The following SURF6 variants were observed in gnomAD, a reference collection of about 807,000 sequenced individuals.
The protein encoded by SURF6 is surfeit locus protein 6.
In SURF6, 28 loss-of-function variants were observed where a neutral mutation model predicts 37.5. The observed-to-expected ratio is 0.75, with a 90% CI of 0.55 to 1.02. SURF6 has a LOEUF of 1.02. SURF6 is among the 50% of genes least tolerant of loss of function. SURF6 has a pLI of 0.00. For missense variants in SURF6, 560 were observed against 490.5 expected, an observed-to-expected ratio of 1.14 and a Z score of -1.34; for synonymous variants, 248 against 210.9, an observed-to-expected ratio of 1.18 and a Z score of -1.52.
At chr9:133,334,308 T>G in intron 2 of SURF6, 84 bp downstream of exon 2, 1 of 1,354,930 alleles carries the variant, frequency 7.4e-7, no homozygotes, top group South Asian at 1.4e-5. Flanking sequence ...GCTGCTTTTT[T>G]TTTCTTAAGA....
chr9:133,334,372 C>T lies in SURF6; in HGVS notation c.304+20G>A. The T allele has an allele frequency of 1.3e-6, 2 of 1,599,522 alleles. No individual in the cohort carries two copies. The highest frequency in any genetic ancestry group is 1.7e-6 in the Non-Finnish European group (2 of 1,174,016). ...CCAGCCCCGCCCTGCACAGAACCAA[C>T]ATGCCCTGAAGCCTCTCACCTGCAG... On this transcript the variant is annotated intron_variant, in intron 2 of 4. Transcript: ENST00000372022.
At chr9:133,335,122 G>C (rs1835839480) in intron 1 of SURF6, among the ~76,000 whole-genome samples, 1 of 152,096 alleles carries the variant, frequency 6.6e-6, no homozygotes, top group African/African-American at 2.4e-5. Context: ...ACTGTGCCCG[G>C]CTAATTTTTG....
chr9:133,334,355 G>C, intron 2 of SURF6, 37 bp downstream of exon 2: 10 of 1,454,870 alleles, frequency 6.9e-6, no homozygotes, highest in South Asian at 1.2e-5. Flanking sequence ...CCCCAGCCCC[G>C]CCCTGCACAG....
In SURF6 at chr9:133,331,294, G is replaced by C. The variant is rs2129909468; in HGVS notation, c.*575C>G. 5 of 151,342 alleles carry C rather than the reference G, an allele frequency of 3.3e-5. No individual in the cohort carries two copies. Among genetic ancestry groups the C allele is most frequent in the African/African-American group, 1.2e-4 (5 of 41,374 alleles). 9.4% of individuals were successfully genotyped at this position (151,342 alleles called of 1,614,324 possible). A position where few individuals can be genotyped will look rare whatever the true frequency, so the allele number is the denominator to read the frequency against. On this transcript the variant is annotated 3_prime_UTR_variant, in exon 5 of 5. Transcript: ENST00000372022. Reference sequence around the variant, plus strand: ...TAAAATGCCGCCCCGGGGCACTGGGGAACAGAAAGGAATGAGACCCCAACA... The same window carrying C: ...TAAAATGCCGCCCCGGGGCACTGGGCAACAGAAAGGAATGAGACCCCAACA...
chr9:133,332,028 C>G lies in SURF6; in HGVS notation c.927G>C (p.Lys309Asn), dbSNP rs2129914104. 1 of 1,601,992 alleles carries G rather than the reference C, an allele frequency of 6.2e-7. No individual in the cohort carries two copies. The highest frequency in any genetic ancestry group is 2.2e-5 in the East Asian group (1 of 44,862). Residue 309 changes from lysine (K) to asparagine (N), a missense_variant, in exon 5 of 5, where the codon AAG becomes AAC. Transcript: ENST00000372022. ...TCTTCTCCACCACGCCGGCCGTGCG[C>G]TTCTCCCACCGGCGCTGCCGCTGCG... ...RRAQRQRRWE[K>N]RTAGVVEKMQ...
At position 133,332,563 on chromosome 9, in the gene SURF6, C is replaced by G. The variant is rs2129919069; in HGVS notation, c.591G>C (p.Gly197=). 4 of 1,608,766 alleles carry G rather than the reference C, an allele frequency of 2.5e-6. No individual in the cohort carries two copies. In the South Asian group the frequency reaches 3.3e-5, roughly 13 times the overall value. Residue 197 remains glycine (G), a synonymous_variant, in exon 4 of 5, where the codon GGG becomes GGC. Coordinates refer to ENST00000372022, the MANE Select transcript of SURF6 (RefSeq NM_006753.6). The stretch of plus-strand genomic sequence containing the variant: ...TCCCGCTCACCTTATTGAAGATCAG[C>G]CCGGGCGGCTCCCGCGGCTCCGTGC... ...GACTEPREPP[G]LIFNKVEVSE... is the part of the protein sequence containing the mutation.
At chr9:133,333,579 C>A in intron 3 of SURF6, 139 bp downstream of exon 3, 1 of 720,044 alleles carries the variant, frequency 1.4e-6, no homozygotes, top group Non-Finnish European at 2.4e-6. Context: ...AATAACTGCT[C>A]TCCCAGAGCA....
At position 133,331,804 on chromosome 9, in the gene SURF6, C is replaced by A; in HGVS notation, c.*65G>T. The A allele has an allele frequency of 6.8e-7, 1 of 1,477,300 alleles. No homozygotes were observed. The highest frequency in any genetic ancestry group is 1.4e-5 in the South Asian group (1 of 71,954). 91.5% of individuals were successfully genotyped at this position (1,477,300 alleles called of 1,614,324 possible). A position where few individuals can be genotyped will look rare whatever the true frequency, so the allele number is the denominator to read the frequency against. ...GGAGATCCTGGGACAGAGCCAGCGT[C>A]AAGGACTCAGAGGGTGTCCTGGAGT... On this transcript the variant is annotated 3_prime_UTR_variant, in exon 5 of 5. Coordinates refer to ENST00000372022, the MANE Select transcript of SURF6 (RefSeq NM_006753.6).
Position 133,332,201 on chromosome 9 carries a change from C to T in SURF6, c.754G>A (p.Glu252Lys), listed in dbSNP as rs2129916183. 1.2e-5 allele frequency: 20 copies of T among 1,608,650 alleles called. 2 individuals carry two copies. The South Asian group carries it at 1.4e-4, about 11-fold the overall frequency. The change falls in exon 5 of 5, where the codon GAG (glutamate) becomes AAG (lysine). Residue 252 changes from glutamate (E) to lysine (K), a missense_variant. Coordinates refer to ENST00000372022, the MANE Select transcript of SURF6 (RefSeq NM_006753.6). ...TTCCCCTCATCCTGGCCGCGCAGCT[C>T]GTCCAGCCGGCTCTGCCGTGCCTGC... Reference protein sequence around the residue: ...RLQARQSRLDELRGQDEGKAQ... With the variant: ...RLQARQSRLDKLRGQDEGKAQ...
chr9:133,331,949 G>T lies in SURF6; in HGVS notation c.1006C>A (p.Arg336Ser), dbSNP rs2129913040. Reference protein sequence around the residue: ...RQNLRRKKAARAERRLLRARK... With the variant: ...RQNLRRKKAASAERRLLRARK... ...GCTCTGAGCAGGCGGCGCTCGGCGC[G>T]GGCCGCCTTCTTCCTGCGCAGGTTC... is the stretch of plus-strand genomic sequence containing the variant. Residue 336 changes from arginine (R) to serine (S), a missense_variant, in exon 5 of 5, where the codon CGC (arginine) becomes AGC (serine). Arg to Ser is a moderately radical substitution (Grantham distance 110). Transcript: ENST00000372022. 5.0e-6 allele frequency: 8 copies of T among 1,592,310 alleles called. No individual in the cohort carries two copies. In the South Asian group the frequency reaches 6.6e-5, roughly 13 times the overall value.
Position 133,336,115 on chromosome 9 carries a change from G to A in SURF6, c.18C>T (p.Ala6=), listed in dbSNP as rs2129934241. The A allele has an allele frequency of 3.8e-5, 61 of 1,612,350 alleles. No homozygotes were observed. The highest frequency in any genetic ancestry group is 4.8e-5 in the Non-Finnish European group (57 of 1,179,760). MASLL[A]KDAYLQSLAK... is the part of the protein sequence containing the mutation. Reference sequence around the variant, plus strand: ...CCAGGCTCTGCAGGTAGGCGTCCTTGGCGAGTAGAGAGGCCATGGCGGAGA... The same window carrying A: ...CCAGGCTCTGCAGGTAGGCGTCCTTAGCGAGTAGAGAGGCCATGGCGGAGA... The change falls in exon 1 of 5, where the codon GCC becomes GCT. Residue 6 remains alanine, a synonymous_variant. Coordinates refer to ENST00000372022, the MANE Select transcript of SURF6 (RefSeq NM_006753.6).
intron 1 of SURF6, among the ~76,000 whole-genome samples, chr9:133,335,020 C>T (rs1201710321): frequency 2.6e-5 from 4 of 152,122 alleles, no homozygotes; most frequent in East Asian, 1.9e-4. Context: ...AGTGCAGTGG[C>T]GCAATCTCTG....
In SURF6 at chr9:133,329,471, T is replaced by C. The variant is rs2129902705; in HGVS notation, c.*2398A>G. On this transcript the variant is annotated 3_prime_UTR_variant, in exon 5 of 5. Coordinates refer to ENST00000372022, the MANE Select transcript of SURF6 (RefSeq NM_006753.6). ...GATACTTTTTGCTACTGCTAGACCATGGTCCACCTGGCAACGGGCGTCTTC... is the reference window on the plus strand; with the variant it reads ...GATACTTTTTGCTACTGCTAGACCACGGTCCACCTGGCAACGGGCGTCTTC... 3.1e-5 allele frequency: 8 copies of C among 258,534 alleles called. No individual in the cohort carries two copies. The East Asian group carries it at 9.5e-4, about 31-fold the overall frequency. The allele number at this position is 258,534 out of a possible 1,614,324, so 16.0% of individuals were successfully genotyped here. A position where few individuals can be genotyped will look rare whatever the true frequency, so the allele number is the denominator to read the frequency against.
Position 133,331,320 on chromosome 9 carries a change from G to C in SURF6, c.*549C>G, listed in dbSNP as rs1228993007. The C allele has an allele frequency of 1.3e-5, 2 of 152,924 alleles. No homozygotes were observed. The highest frequency in any genetic ancestry group is 4.8e-5 in the African/African-American group (2 of 41,498). 9.5% of individuals were successfully genotyped at this position (152,924 alleles called of 1,614,324 possible). Reference sequence around the variant, plus strand: ...AACAGAAAGGAATGAGACCCCAACAGGCAGAAGCCAAGAGAGCGGGGAGGA... The same window carrying C: ...AACAGAAAGGAATGAGACCCCAACACGCAGAAGCCAAGAGAGCGGGGAGGA... On this transcript the variant is annotated 3_prime_UTR_variant, in exon 5 of 5. Transcript: ENST00000372022.
intron 3 of SURF6, 45 bp from the exon 4 acceptor site, chr9:133,332,805 G>A (rs1835781969): frequency 1.3e-6 from 2 of 1,585,854 alleles, no homozygotes; most frequent in Non-Finnish European, 1.7e-6. Flanking sequence ...CTCGATCCCA[G>A]GGTCCCCCAG....
At position 133,332,138 on chromosome 9, in the gene SURF6, G is replaced by C; in HGVS notation, c.817C>G (p.Leu273Val). 1 of 1,610,930 alleles carries C rather than the reference G, an allele frequency of 6.2e-7. No homozygotes were observed. The highest frequency in any genetic ancestry group is 8.5e-7 in the Non-Finnish European group (1 of 1,179,934). Residue 273 changes from leucine (L) to valine (V), a missense_variant, in exon 5 of 5, where the codon CTC becomes GTC. Coordinates refer to ENST00000372022, the MANE Select transcript of SURF6 (RefSeq NM_006753.6). ...ELEAKMKWTN[L>V]LYKAEGVKIR... ...TTCACGCCCTCCGCCTTGTAGAGGA[G>C]GTTGGTCCACTTCATCTTCGCCTCC...
Position 133,334,540 on chromosome 9 carries a change from TTG to T in SURF6, c.154_155del (p.Gln52LysfsTer12), listed in dbSNP as rs1835825905. 6 of 1,613,728 alleles carry T rather than the reference TTG, an allele frequency of 3.7e-6. No individual in the cohort carries two copies. Among genetic ancestry groups the T allele is most frequent in the South Asian group, 3.3e-5 (3 of 91,094 alleles). Reference protein sequence around the residue: ...GPPKKKRKKTQKKFRKREEKA... With the variant: ...GPPKKKRKKTXKKFRKREEKA... ...TCTCTTCTCGCTTCCGGAATTTCTTTTGTGTTTTCTTCCTTTTCTTTTTTGGG... is the reference window on the plus strand; with the variant it reads ...TCTCTTCTCGCTTCCGGAATTTCTTTTGTTTTCTTCCTTTTCTTTTTTGGG... On this transcript the variant is annotated frameshift_variant, in exon 2 of 5. Transcript: ENST00000372022. LOFTEE classifies it high-confidence loss of function.
In SURF6 at chr9:133,330,350, C is replaced by T. The variant is rs1835693435; in HGVS notation, c.*1519G>A. On this transcript the variant is annotated 3_prime_UTR_variant, in exon 5 of 5. Transcript: ENST00000372022. ...CTCCTGGGTTCAAGTGATTCTCCCG[C>T]CTCAGCCTCCCAAGCAGCTGGGACT... The T allele has an allele frequency of 6.6e-6, 1 of 152,172 alleles. No homozygotes were observed. Among genetic ancestry groups the T allele is most frequent in the Admixed American group, 6.5e-5 (1 of 15,276 alleles). The allele number at this position is 152,172 out of a possible 1,614,324, so 9.4% of individuals were successfully genotyped here.
chr9:133,334,659 G>C, intron 1 of SURF6, 58 bp from the exon 2 acceptor site: 1 of 1,578,516 alleles, frequency 6.3e-7, no homozygotes, highest in Non-Finnish European at 8.6e-7. Flanking sequence ...TCAATAGGCA[G>C]GAAAGGCTCA....
Sources: gnomAD v4.1 joint callset for allele counts (sites outside exome capture counted in the v4.1 genomes callset) on GRCh38, gnomAD v4.1.1 for gene constraint, MANE v1.5 for transcripts, NCBI Gene and HGNC (gene_info 2026-07-23, HGNC 2026-07-21) for gene names.